Variants in FRMD4A observed in about 807,000 individuals in gnomAD.
The protein encoded by FRMD4A is FERM domain containing 4A.
In FRMD4A, 29 loss-of-function variants were observed where a neutral mutation model predicts 129.1. The observed-to-expected ratio is 0.22, with a 90% CI of 0.17 to 0.31. The LOEUF (loss-of-function observed/expected upper bound fraction) is 0.31. FRMD4A is among the 10% of genes least tolerant of loss of function. The pLI is 1.00. For missense variants in FRMD4A, 1,272 were observed against 1,375.8 expected (o/e 0.92, Z 1.19); for synonymous variants, 634 against 571.6 (o/e 1.11, Z -1.56).
At chr10:13,868,221 T>A (rs2094398595) in intron 2 of FRMD4A, among the ~76,000 whole-genome samples, 1 of 151,898 alleles carries the variant, frequency 6.6e-6, no homozygotes, top group Admixed American at 6.5e-5. Context: ...TTTAATAAAA[T>A]TTTTAATACA....
At chr10:13,750,692 G>A (rs1420879243) in intron 8 of FRMD4A, among the ~76,000 whole-genome samples, 1 of 152,194 alleles carries the variant, frequency 6.6e-6, no homozygotes, top group African/African-American at 2.4e-5. Flanking sequence ...ACTGAAAAGG[G>A]CAGGTCAGGC....
chr10:14,047,832 T>A lies in FRMD4A; in HGVS notation c.46-188920A>T, dbSNP rs1294839375. Among the ~76,000 whole-genome samples, 3 of 152,186 alleles carry A rather than the reference T, an allele frequency of 2.0e-5. No individual in the cohort carries two copies. In the East Asian group the frequency reaches 5.8e-4, roughly 29 times the overall value. On this transcript the variant is annotated intron_variant, in intron 2 of 24. Transcript: ENST00000357447. ...GAATAGGAGGAGGCCCTGGAATTAT[T>A]CAGAGTGGAGTCAGAATTGTGTCAT... is the stretch of plus-strand genomic sequence containing the variant.
Position 13,984,408 on chromosome 10 carries a change from A to G in FRMD4A, c.46-125496T>C, listed in dbSNP as rs573664175. ...GTAAAATATACGTAATACAAACTTT[A>G]CAATTTTAACCATTTTTAAATGTGC... On this transcript the variant is annotated intron_variant, in intron 2 of 24. Transcript: ENST00000357447. Among the ~76,000 whole-genome samples the G allele has an allele frequency of 1.4e-4, 21 of 152,254 alleles. No homozygotes were observed. In the South Asian group the frequency reaches 4.4e-3, roughly 32 times the overall value.
chr10:13,834,820 T>G (rs1326823394), intron 3 of FRMD4A, among the ~76,000 whole-genome samples: 1 of 152,184 alleles, frequency 6.6e-6, no homozygotes, highest in African/African-American at 2.4e-5. Flanking sequence ...CAGAGGCACA[T>G]GGCTTTTTAA....
At chr10:13,869,494 C>T (rs565663113) in intron 2 of FRMD4A, among the ~76,000 whole-genome samples, 13 of 152,366 alleles carry the variant, frequency 8.5e-5, no homozygotes, top group African/African-American at 1.7e-4. Context: ...ACCCTCCTCA[C>T]GCCTGGCAGC....
intron 2 of FRMD4A, among the ~76,000 whole-genome samples, chr10:13,943,076 A>G (rs1202730888): frequency 6.6e-6 from 1 of 152,222 alleles, no homozygotes; most frequent in Non-Finnish European, 1.5e-5. Flanking sequence ...GTCATTCTAA[A>G]ACTGCGAGTT....
chr10:13,868,250 A>C (rs1254641517), intron 2 of FRMD4A, among the ~76,000 whole-genome samples: 1 of 152,002 alleles, frequency 6.6e-6, no homozygotes, highest in African/African-American at 2.4e-5. Context: ...TTTTATAAAA[A>C]TTTTATATAA....
chr10:13,790,720 G>A (rs1392807584), intron 5 of FRMD4A, among the ~76,000 whole-genome samples: 7 of 152,068 alleles, frequency 4.6e-5, no homozygotes, highest in African/African-American at 1.7e-4. Flanking sequence ...GGCACCAGAA[G>A]CTGGACGACC....
chr10:13,700,073 T>G (rs889059078), intron 14 of FRMD4A, among the ~76,000 whole-genome samples: 5 of 152,038 alleles, frequency 3.3e-5, no homozygotes, highest in African/African-American at 9.7e-5. Context: ...GAATTATGAC[T>G]AAAGGGATTG....
rs1296633447 is a variant in FRMD4A, at chr10:13,701,322, A to G, written c.975+18T>C. On this transcript the variant is annotated intron_variant, in intron 14 of 24. Coordinates refer to ENST00000357447, the MANE Select transcript of FRMD4A (RefSeq NM_018027.5). The stretch of plus-strand genomic sequence containing the variant: ...GGCAGACAATGGCCCGGGCTTGGTG[A>G]GAGGTCTGGTCACTCACCTTACTCT... 1 of 1,606,552 alleles carries G rather than the reference A, an allele frequency of 6.2e-7. No individual in the cohort carries two copies. The highest frequency in any genetic ancestry group is 2.2e-5 in the East Asian group (1 of 44,766).
At chr10:13,656,546 C>A (rs1291536302) in intron 22 of FRMD4A, 90 bp downstream of exon 22, 19 of 1,292,240 alleles carry the variant, frequency 1.5e-5, no homozygotes, top group Non-Finnish European at 1.9e-5. Context: ...TGCACCCAGT[C>A]CTAAGGGTAC....
At chr10:14,202,616 G>A (rs1247330063) in intron 2 of FRMD4A, among the ~76,000 whole-genome samples, 2 of 151,954 alleles carry the variant, frequency 1.3e-5, no homozygotes, top group Admixed American at 1.3e-4. Context: ...GGCCAGGCTG[G>A]TCTCGAACTC....
At chr10:14,215,717 T>C (rs1843054020) in intron 2 of FRMD4A, among the ~76,000 whole-genome samples, 8 of 152,034 alleles carry the variant, frequency 5.3e-5, no homozygotes, top group Admixed American at 5.2e-4. Context: ...GGGGGAAGCC[T>C]AGAGAGAATA....
At chr10:14,037,717 TCCC>T (rs1176876238) in intron 2 of FRMD4A, among the ~76,000 whole-genome samples, 2 of 152,164 alleles carry the variant, frequency 1.3e-5, no homozygotes, top group African/African-American at 4.8e-5. Flanking sequence ...CCAATTTATA[TCCC>T]CAGTATAGAG....
At chr10:14,251,278 T>A (rs11258978) in intron 2 of FRMD4A, among the ~76,000 whole-genome samples, 39,954 of 152,104 alleles carry the variant, frequency 0.26, 5,361 homozygotes, top group Middle Eastern at 0.34. Context: ...TTAGTTTCTG[T>A]CTGGGGTGTG....
At chr10:13,676,516 C>T (rs909701601) in intron 15 of FRMD4A, among the ~76,000 whole-genome samples, 2 of 150,952 alleles carry the variant, frequency 1.3e-5, no homozygotes, top group African/African-American at 4.9e-5. Context: ...CTCAGGTGAT[C>T]CACCCGCCTC....
intron 2 of FRMD4A, among the ~76,000 whole-genome samples, chr10:13,942,033 C>T (rs2095296560): frequency 6.6e-6 from 1 of 152,172 alleles, no homozygotes; most frequent in African/African-American, 2.4e-5. Context: ...CAGCTACCCT[C>T]CTTGGTGTGG....
chr10:14,051,838 G>A (rs1834275813), intron 2 of FRMD4A, among the ~76,000 whole-genome samples: 2 of 152,258 alleles, frequency 1.3e-5, no homozygotes, highest in Admixed American at 6.5e-5. Flanking sequence ...ATGCCAGGTA[G>A]CTGCTGAGAG....
At chr10:14,052,292 T>C (rs918753778) in intron 2 of FRMD4A, among the ~76,000 whole-genome samples, 1 of 152,218 alleles carries the variant, frequency 6.6e-6, no homozygotes, top group Non-Finnish European at 1.5e-5. Flanking sequence ...GTTTGCAGTG[T>C]TTTGTTATGG....
Sources: gnomAD v4.1 joint callset for allele counts (sites outside exome capture counted in the v4.1 genomes callset) on GRCh38, gnomAD v4.1.1 for gene constraint, MANE v1.5 for transcripts, NCBI Gene and HGNC (gene_info 2026-07-23, HGNC 2026-07-21) for gene names.